Variants in GLIS3 observed in about 807,000 individuals in gnomAD.
GLIS3 encodes zinc finger protein GLIS3.
A neutral mutation model predicts 78.6 loss-of-function variants in GLIS3; 53 were observed. The observed-to-expected ratio is 0.67, with a 90% CI of 0.54 to 0.85. The LOEUF (loss-of-function observed/expected upper bound fraction) is 0.85, where lower values mean the gene tolerates loss of function less well. GLIS3 is among the 40% of genes least tolerant of loss of function. The probability of loss-of-function intolerance (pLI) is 0.00; values close to 1 mark genes in which losing one functional copy is unlikely to be tolerated. For synonymous variants in GLIS3, 684 were observed against 509.9 expected (o/e 1.34, Z -4.60); for missense variants, 1,703 against 1,231.1 (o/e 1.38, Z -5.74).
At chr9:4,228,342 C>T (rs534941539) in intron 2 of GLIS3, among the ~76,000 whole-genome samples, 165 of 152,090 alleles carry the variant, frequency 1.1e-3, no homozygotes, top group Non-Finnish European at 2.0e-3. Context: ...GGGGCTGAGC[C>T]GGAGAGGGGC....
chr9:4,416,615 T>C, the GLIS3 span, among the ~76,000 whole-genome samples: 2 of 152,248 alleles, frequency 1.3e-5, no homozygotes, highest in East Asian at 1.9e-4. Context: ...ACTTTCAGTG[T>C]TACAAAGTGA....
At chr9:4,236,477 G>T (rs916610572) in intron 2 of GLIS3, among the ~76,000 whole-genome samples, 11 of 152,032 alleles carry the variant, frequency 7.2e-5, no homozygotes, top group African/African-American at 2.7e-4. Context: ...TTTAATATTT[G>T]TTTTTAAGTT....
chr9:4,235,751 A>T (rs1822673676), intron 2 of GLIS3, among the ~76,000 whole-genome samples: 1 of 152,214 alleles, frequency 6.6e-6, no homozygotes, highest in African/African-American at 2.4e-5. Flanking sequence ...GAAAACCAAG[A>T]TCATTATCAT....
chr9:4,025,198 G>A (rs934895410), intron 4 of GLIS3, among the ~76,000 whole-genome samples: 2 of 151,954 alleles, frequency 1.3e-5, no homozygotes, highest in African/African-American at 2.4e-5. Flanking sequence ...GTTGCAGTGA[G>A]CCAAGATGGC....
intron 4 of GLIS3, among the ~76,000 whole-genome samples, chr9:4,068,118 G>A (rs970924657): frequency 5.9e-5 from 9 of 152,028 alleles, no homozygotes; most frequent in African/African-American, 1.9e-4. Flanking sequence ...TAAAAGGGCT[G>A]GTAGTAAGCA....
At chr9:4,452,061 A>G in the GLIS3 span, among the ~76,000 whole-genome samples, 1 of 152,150 alleles carries the variant, frequency 6.6e-6, no homozygotes, top group African/African-American at 2.4e-5. Context: ...AACAGAATCA[A>G]TGACAAAAAC....
intron 4 of GLIS3, among the ~76,000 whole-genome samples, chr9:3,962,805 G>A (rs867087271): frequency 2.0e-5 from 3 of 152,078 alleles, no homozygotes; most frequent in Admixed American, 6.5e-5. Context: ...CCCCCACCCC[G>A]AAACCCTGCA....
At chr9:4,274,636 CAA>C (rs983574967) in intron 2 of GLIS3, among the ~76,000 whole-genome samples, 6 of 152,090 alleles carry the variant, frequency 3.9e-5, no homozygotes, top group Admixed American at 3.9e-4. Flanking sequence ...ACTTCACTAG[CAA>C]AAAACAGATT....
chr9:4,129,614 T>C (rs1179937895), intron 2 of GLIS3, among the ~76,000 whole-genome samples: 1 of 152,162 alleles, frequency 6.6e-6, no homozygotes, highest in Non-Finnish European at 1.5e-5. Flanking sequence ...TCCACCATGA[T>C]TGAAAGTTTC....
chr9:4,364,945 G>A, the GLIS3 span, among the ~76,000 whole-genome samples: 1 of 150,670 alleles, frequency 6.6e-6, no homozygotes, highest in Non-Finnish European at 1.5e-5. Flanking sequence ...TACTGCACCT[G>A]GCATTTGTTG....
intron 6 of GLIS3, among the ~76,000 whole-genome samples, chr9:3,915,805 G>T (rs1163099585): frequency 1.3e-5 from 2 of 152,118 alleles, no homozygotes; most frequent in African/African-American, 4.8e-5. Flanking sequence ...ATGTATGCTG[G>T]TAATTTTTAG....
the GLIS3 span, among the ~76,000 whole-genome samples, chr9:4,379,049 T>C: frequency 6.6e-6 from 1 of 152,196 alleles, no homozygotes; most frequent in Non-Finnish European, 1.5e-5. Flanking sequence ...TTTCAAGTGC[T>C]TGTGGTTTTC....
intron 4 of GLIS3, among the ~76,000 whole-genome samples, chr9:3,982,126 A>G (rs1205646071): frequency 6.6e-6 from 1 of 152,198 alleles, no homozygotes; most frequent in Non-Finnish European, 1.5e-5. Flanking sequence ...GCTAATGCAT[A>G]GAACAGAAAA....
chr9:4,043,569 T>C (rs1404616340), intron 4 of GLIS3, among the ~76,000 whole-genome samples: 2 of 152,100 alleles, frequency 1.3e-5, no homozygotes, highest in South Asian at 2.1e-4. Flanking sequence ...ACCATGAGTT[T>C]TGTCTCAATG....
At chr9:4,379,803 G>A in the GLIS3 span, among the ~76,000 whole-genome samples, 20 of 152,298 alleles carry the variant, frequency 1.3e-4, no homozygotes, top group East Asian at 3.9e-3. Flanking sequence ...AGCTCACTTT[G>A]CTTTTGCAAA....
At chr9:4,171,162 G>A (rs1488605482) in intron 2 of GLIS3, among the ~76,000 whole-genome samples, 1 of 152,014 alleles carries the variant, frequency 6.6e-6, no homozygotes, top group Non-Finnish European at 1.5e-5. Flanking sequence ...TCATTAAAGG[G>A]CTATTACAAT....
chr9:4,437,762 C>A, the GLIS3 span, among the ~76,000 whole-genome samples: 8 of 152,190 alleles, frequency 5.3e-5, no homozygotes, highest in African/African-American at 1.9e-4. Context: ...TCCTCTTCCT[C>A]AGCCTACTTG....
chr9:4,008,893 C>G (rs1207922742), intron 4 of GLIS3, among the ~76,000 whole-genome samples: 1 of 151,832 alleles, frequency 6.6e-6, no homozygotes, highest in Non-Finnish European at 1.5e-5. Flanking sequence ...TGCACTTGAC[C>G]CAGCAGAGTC....
intron 4 of GLIS3, among the ~76,000 whole-genome samples, chr9:3,979,018 T>C (rs1400871778): frequency 6.6e-6 from 1 of 152,200 alleles, no homozygotes; most frequent in Admixed American, 6.5e-5. Context: ...CCTATACCAT[T>C]TTATATCACA....
Sources: allele counts gnomAD v4.1 joint callset (sites outside exome capture counted in the v4.1 genomes callset), GRCh38; gene constraint gnomAD v4.1.1; transcripts MANE v1.5; gene names NCBI Gene and HGNC (gene_info 2026-07-23, HGNC 2026-07-21).